BBS9: variants seen among roughly 807,000 people sequenced by gnomAD.
BBS9 encodes the protein protein PTHB1.
In BBS9, 89 loss-of-function variants were observed where a neutral mutation model predicts 117.7. The observed-to-expected ratio is 0.76, with a 90% CI of 0.64 to 0.90. The LOEUF is 0.90. BBS9 is among the 40% of genes least tolerant of loss of function. BBS9 has a pLI of 0.00. For missense variants in BBS9, 982 were observed against 1,042.2 expected, an observed-to-expected ratio of 0.94 and a Z score of 0.80; for synonymous variants, 379 against 370.9, an observed-to-expected ratio of 1.02 and a Z score of -0.25.
chr7:33,564,181 A>C (rs74751814), intron 21 of BBS9, among the ~76,000 whole-genome samples: 1 of 152,162 alleles, frequency 6.6e-6, no homozygotes, highest in Non-Finnish European at 1.5e-5. Context: ...TCTTAGTTAC[A>C]TTATAGTGTA....
At chr7:33,377,250 A>G (rs1347520427) in intron 17 of BBS9, among the ~76,000 whole-genome samples, 1 of 152,148 alleles carries the variant, frequency 6.6e-6, no homozygotes, top group Non-Finnish European at 1.5e-5. Context: ...GTCCAGTTTC[A>G]ATCTTTTGCA....
intron 10 of BBS9, among the ~76,000 whole-genome samples, chr7:33,339,964 T>G (rs1373025408): frequency 2.0e-5 from 3 of 151,356 alleles, no homozygotes; most frequent in Non-Finnish European, 4.4e-5. Context: ...AGCCAATAGT[T>G]TGATATGTAT....
chr7:33,592,710 T>C (rs943520949), intron 21 of BBS9, among the ~76,000 whole-genome samples: 12 of 152,094 alleles, frequency 7.9e-5, no homozygotes, highest in African/African-American at 2.9e-4. Flanking sequence ...TCTGTCATTA[T>C]TAAAAACAAC....
At chr7:33,250,436 A>G (rs1181857441) in intron 5 of BBS9, among the ~76,000 whole-genome samples, 1 of 152,204 alleles carries the variant, frequency 6.6e-6, no homozygotes, top group Non-Finnish European at 1.5e-5. Context: ...GGTCATTTAA[A>G]TAGCTTCTGA....
intron 19 of BBS9, among the ~76,000 whole-genome samples, chr7:33,414,352 A>G (rs904838584): frequency 6.6e-5 from 10 of 152,234 alleles, no homozygotes; most frequent in African/African-American, 1.9e-4. Flanking sequence ...CAGAATAATC[A>G]GAAATACTTT....
At chr7:33,610,228 C>G (rs1442730921), downstream of BBS9, among the ~76,000 whole-genome samples, 3 of 151,874 alleles carry the variant, frequency 2.0e-5, no homozygotes, top group Non-Finnish European at 4.4e-5. Flanking sequence ...TGAAATAACT[C>G]CAAAATATGT....
chr7:33,558,305 G>A (rs2129106493), intron 21 of BBS9, among the ~76,000 whole-genome samples: 1 of 152,272 alleles, frequency 6.6e-6, no homozygotes, highest in South Asian at 2.1e-4. Context: ...TGTGATAAGA[G>A]TAAATGGCAG....
At position 33,527,260 on chromosome 7, in the gene BBS9, T is replaced by C. The variant is rs996147817; in HGVS notation, c.2299-6694T>C. Among the ~76,000 whole-genome samples, 62 of 152,310 alleles carry C rather than the reference T, an allele frequency of 4.1e-4. No homozygotes were observed. The East Asian group carries it at 4.6e-3, about 11-fold the overall frequency. On this transcript the variant is annotated intron_variant, in intron 20 of 22. Coordinates refer to ENST00000242067, the MANE Select transcript of BBS9 (RefSeq NM_198428.3). ...ACAGAAGCAGGCAGGCCTCCTTGAGTTGTGTTGGGCTCCCCCCAGTTCGAG... is the reference window on the plus strand; with the variant it reads ...ACAGAAGCAGGCAGGCCTCCTTGAGCTGTGTTGGGCTCCCCCCAGTTCGAG...
intron 9 of BBS9, among the ~76,000 whole-genome samples, chr7:33,329,605 G>T (rs1813572057): frequency 6.6e-6 from 1 of 151,922 alleles, no homozygotes; most frequent in African/African-American, 2.4e-5. Context: ...CATTTGGGTT[G>T]TTTCTAAATT....
At chr7:33,493,352 G>A (rs1033755595) in intron 19 of BBS9, among the ~76,000 whole-genome samples, 4 of 151,862 alleles carry the variant, frequency 2.6e-5, no homozygotes, top group East Asian at 3.9e-4. Flanking sequence ...ATGTATCCCC[G>A]TCACTCAGCA....
At chr7:33,285,685 T>C (rs1802747981) in intron 9 of BBS9, among the ~76,000 whole-genome samples, 1 of 152,184 alleles carries the variant, frequency 6.6e-6, no homozygotes, top group South Asian at 2.1e-4. Flanking sequence ...GGCTAAACCA[T>C]TATTGAGGTA....
chr7:33,456,162 AT>A (rs1838632089), intron 19 of BBS9, among the ~76,000 whole-genome samples: 1 of 152,152 alleles, frequency 6.6e-6, no homozygotes, highest in Non-Finnish European at 1.5e-5. Flanking sequence ...ACACAGAGGG[AT>A]GGGGACTGAG....
chr7:33,517,818 G>A (rs1848021374), intron 20 of BBS9, among the ~76,000 whole-genome samples: 1 of 152,200 alleles, frequency 6.6e-6, no homozygotes, highest in Non-Finnish European at 1.5e-5. Flanking sequence ...GATAATAGGA[G>A]TGACTGCTCC....
intron 5 of BBS9, among the ~76,000 whole-genome samples, chr7:33,249,226 G>GACACACAC (rs143505945): frequency 0.013 from 1,940 of 148,396 alleles, 11 homozygotes; most frequent in Middle Eastern, 0.024. Flanking sequence ...TGGGCATGGG[G>GACACACAC]ACACACACAC....
At chr7:33,232,615 A>C (rs768453067) in intron 5 of BBS9, among the ~76,000 whole-genome samples, 1 of 152,156 alleles carries the variant, frequency 6.6e-6, no homozygotes, top group Non-Finnish European at 1.5e-5. Context: ...TAACATGTAC[A>C]AGGATATCTC....
At chr7:33,252,967 T>G (rs1198737541) in intron 5 of BBS9, among the ~76,000 whole-genome samples, 1 of 152,200 alleles carries the variant, frequency 6.6e-6, no homozygotes, top group Non-Finnish European at 1.5e-5. Context: ...ACACTTTTTT[T>G]GATGAACCAT....
chr7:33,430,879 G>C (rs1178703595), intron 19 of BBS9, among the ~76,000 whole-genome samples: 1 of 152,094 alleles, frequency 6.6e-6, no homozygotes, highest in Non-Finnish European at 1.5e-5. Flanking sequence ...GTTTGTGAGG[G>C]AGAAGAGAAA....
chr7:33,382,984 C>A (rs867605306), intron 17 of BBS9, among the ~76,000 whole-genome samples: 2 of 152,156 alleles, frequency 1.3e-5, no homozygotes, highest in Admixed American at 6.5e-5. Flanking sequence ...TTATGCCCAA[C>A]AAATAATAGC....
At chr7:33,619,594 ATCATATGTTAGG>A (rs1452201502) in intron 21 of BBS9, among the ~76,000 whole-genome samples, 1 of 152,196 alleles carries the variant, frequency 6.6e-6, no homozygotes, top group Non-Finnish European at 1.5e-5. Flanking sequence ...CCCAGGATAG[ATCATATGTTAGG>A]TCACAAAACA....
Sources: gnomAD v4.1 joint callset for allele counts (sites outside exome capture counted in the v4.1 genomes callset) on GRCh38, gnomAD v4.1.1 for gene constraint, MANE v1.5 for transcripts, NCBI Gene and HGNC (gene_info 2026-07-23, HGNC 2026-07-21) for gene names.